Variants in SORCS2 observed in about 807,000 individuals in gnomAD.
SORCS2 encodes the protein sortilin related VPS10 domain containing receptor 2, also known as VPS10 domain-containing receptor SorCS2.
In SORCS2, 100 loss-of-function variants were observed where a neutral mutation model predicts 141.6. The observed-to-expected ratio is 0.71, with a 90% CI of 0.60 to 0.83. SORCS2 has a LOEUF of 0.83. Among genes scored for constraint, SORCS2 ranks in the 40% least tolerant of loss-of-function variants. The pLI is 0.00. For synonymous variants in SORCS2, 789 were observed against 676.9 expected, an observed-to-expected ratio of 1.17 and a Z score of -2.57; for missense variants, 1,646 against 1,560.2, an observed-to-expected ratio of 1.05 and a Z score of -0.93.
At chr4:7,360,252 A>T (rs1234744886) in intron 1 of SORCS2, among the ~76,000 whole-genome samples, 1 of 152,202 alleles carries the variant, frequency 6.6e-6, no homozygotes, top group African/African-American at 2.4e-5. Flanking sequence ...TCGAAGAGGC[A>T]TTCTTTCCAT....
chr4:7,531,072 A>G (rs982751447), intron 2 of SORCS2, among the ~76,000 whole-genome samples: 2 of 152,062 alleles, frequency 1.3e-5, no homozygotes, highest in East Asian at 3.9e-4. Flanking sequence ...AGGCCACAGG[A>G]ATGCCTCGGC....
chr4:7,388,841 C>A (rs115508354), intron 1 of SORCS2, among the ~76,000 whole-genome samples: 1 of 152,274 alleles, frequency 6.6e-6, no homozygotes, highest in East Asian at 1.9e-4. Flanking sequence ...GCACCCCCGG[C>A]GATCCCCCCA....
chr4:7,456,437 AT>A (rs982628944), intron 2 of SORCS2, among the ~76,000 whole-genome samples: 2 of 151,946 alleles, frequency 1.3e-5, no homozygotes, highest in African/African-American at 4.8e-5. Context: ...CTTTACATGC[AT>A]TTTTTTCCTC....
At chr4:7,453,456 G>A (rs1728626152) in intron 2 of SORCS2, among the ~76,000 whole-genome samples, 1 of 138,944 alleles carries the variant, frequency 7.2e-6, no homozygotes, top group Admixed American at 7.2e-5. Context: ...GTTGGGGTCA[G>A]GCTCCGTGTT....
intron 2 of SORCS2, among the ~76,000 whole-genome samples, chr4:7,410,166 A>T (rs1725211279): frequency 6.6e-6 from 1 of 152,208 alleles, no homozygotes; most frequent in Non-Finnish European, 1.5e-5. Context: ...GTATCACAGC[A>T]TTCCTCTCTG....
At chr4:7,316,941 A>G (rs757057242) in intron 1 of SORCS2, among the ~76,000 whole-genome samples, 72 of 152,168 alleles carry the variant, frequency 4.7e-4, no homozygotes, top group Non-Finnish European at 8.8e-4. Flanking sequence ...TTTTGTTACC[A>G]GAACCATCTC....
intron 1 of SORCS2, among the ~76,000 whole-genome samples, chr4:7,356,942 G>C (rs918370622): frequency 6.6e-6 from 1 of 152,232 alleles, no homozygotes; most frequent in Non-Finnish European, 1.5e-5. Flanking sequence ...TGTGCTGAGT[G>C]CTTGGCCAGA....
intron 1 of SORCS2, among the ~76,000 whole-genome samples, chr4:7,210,221 GC>G (rs1478655447): frequency 1.3e-5 from 2 of 152,172 alleles, no homozygotes; most frequent in African/African-American, 4.8e-5. Flanking sequence ...GTCATCTTTG[GC>G]GCCCACCCAC....
intron 9 of SORCS2, among the ~76,000 whole-genome samples, 176 bp from the exon 10 acceptor site, chr4:7,682,567 C>T (rs536561797): frequency 2.6e-5 from 4 of 152,262 alleles, no homozygotes; most frequent in African/African-American, 4.8e-5. Context: ...GTCTTGAATC[C>T]CTGGCCCCTC....
intron 8 of SORCS2, among the ~76,000 whole-genome samples, chr4:7,667,494 G>C (rs34742541): frequency 0.062 from 9,481 of 152,246 alleles, 344 homozygotes; most frequent in African/African-American, 0.099. Flanking sequence ...TGTGGTATTT[G>C]AGGAGAAATA....
intron 3 of SORCS2, among the ~76,000 whole-genome samples, chr4:7,604,519 G>T (rs1717938708): frequency 6.6e-6 from 1 of 152,200 alleles, no homozygotes; most frequent in African/African-American, 2.4e-5. Context: ...GGGTTTCACT[G>T]TGTTAGCCAG....
chr4:7,720,617 C>G (rs950646993), intron 18 of SORCS2, among the ~76,000 whole-genome samples: 4 of 152,156 alleles, frequency 2.6e-5, no homozygotes, highest in African/African-American at 9.7e-5. Flanking sequence ...CCAACAAGGA[C>G]CAGTACCTAG....
At chr4:7,547,204 A>G (rs1389104941) in intron 3 of SORCS2, among the ~76,000 whole-genome samples, 3 of 152,134 alleles carry the variant, frequency 2.0e-5, no homozygotes, top group Non-Finnish European at 4.4e-5. Context: ...CTGGACACCC[A>G]AGAGTCTTAA....
intron 3 of SORCS2, among the ~76,000 whole-genome samples, chr4:7,542,919 A>C (rs1249089305): frequency 6.6e-6 from 1 of 152,210 alleles, no homozygotes; most frequent in East Asian, 1.9e-4. Flanking sequence ...TGAAAGCAGG[A>C]GATGCCAGCC....
intron 2 of SORCS2, among the ~76,000 whole-genome samples, chr4:7,401,673 A>G (rs1724603440): frequency 6.6e-6 from 1 of 152,192 alleles, no homozygotes; most frequent in Non-Finnish European, 1.5e-5. Context: ...GGACAGTCCT[A>G]TAGACCAGGG....
At chr4:7,647,167 C>A (rs982238598) in intron 4 of SORCS2, among the ~76,000 whole-genome samples, 2 of 152,200 alleles carry the variant, frequency 1.3e-5, no homozygotes, top group Non-Finnish European at 2.9e-5. Flanking sequence ...GCAAAATGAC[C>A]CCCATTCCAG....
At chr4:7,199,134 G>T (rs1428189242) in intron 1 of SORCS2, among the ~76,000 whole-genome samples, 1 of 152,084 alleles carries the variant, frequency 6.6e-6, no homozygotes, top group Non-Finnish European at 1.5e-5. Context: ...GCTCTCTCTC[G>T]ACCTGGGCCC....
chr4:7,573,129 C>T (rs1323007345), intron 3 of SORCS2, among the ~76,000 whole-genome samples: 5 of 152,172 alleles, frequency 3.3e-5, no homozygotes, highest in Non-Finnish European at 7.3e-5. Context: ...CCATTCAGAA[C>T]TTGCGTCTTT....
In SORCS2 at chr4:7,399,374, CCTT is replaced by C. The variant is rs367791966; in HGVS notation, c.548+3022_548+3024del. On this transcript the variant is annotated intron_variant, in intron 2 of 26. Transcript: ENST00000507866. Reference sequence around the variant, plus strand: ...AATGTGCACTGAGTCTCCTAAGAATCCTTCTGTGTAATTGCAATAAATACACTT... The same window carrying C: ...AATGTGCACTGAGTCTCCTAAGAATCCTGTGTAATTGCAATAAATACACTT... Among the ~76,000 whole-genome samples the C allele has an allele frequency of 3.4e-3, 512 of 152,258 alleles. 1 individual carries two copies. Among genetic ancestry groups the C allele is most frequent in the African/African-American group, 0.011 (470 of 41,548 alleles).
Sources: gnomAD v4.1 joint callset for allele counts (sites outside exome capture counted in the v4.1 genomes callset) on GRCh38, gnomAD v4.1.1 for gene constraint, MANE v1.5 for transcripts, NCBI Gene and HGNC (gene_info 2026-07-23, HGNC 2026-07-21) for gene names.